The following ARHGAP26 variants were observed in gnomAD, a reference collection of about 807,000 sequenced individuals.
The protein encoded by ARHGAP26 is Rho GTPase activating protein 26.
In ARHGAP26, 38 loss-of-function variants were observed where a neutral mutation model predicts 104.8. That is an observed-to-expected ratio of 0.36 (90% CI 0.28 to 0.48). ARHGAP26 has a LOEUF of 0.48. Ranked by LOEUF, ARHGAP26 falls within the 20% of genes least tolerant of loss-of-function variation. ARHGAP26 has a pLI of 0.99. For missense variants in ARHGAP26, 704 were observed against 947.9 expected (o/e 0.74, Z 3.38); for synonymous variants, 341 against 340.0 (o/e 1.00, Z -0.03).
intron 1 of ARHGAP26, among the ~76,000 whole-genome samples, chr5:142,800,868 C>T (rs544164459): frequency 1.1e-4 from 16 of 152,182 alleles, no homozygotes; most frequent in Admixed American, 2.6e-4. Flanking sequence ...AAGCGGAGGC[C>T]GTGGCAGAGA....
chr5:143,222,272 CA>C (rs1428303206), intron 22 of ARHGAP26, 85 bp from the exon 23 acceptor site: 16 of 770,022 alleles, frequency 2.1e-5, no homozygotes, highest in African/African-American at 1.3e-4. Context: ...CACACACACA[CA>C]CACACACACA....
chr5:143,210,015 C>G (rs1013239588), intron 21 of ARHGAP26, among the ~76,000 whole-genome samples: 1 of 152,256 alleles, frequency 6.6e-6, no homozygotes, highest in Non-Finnish European at 1.5e-5. Flanking sequence ...CTGAGCAAAG[C>G]CTTTATAAGT....
chr5:143,019,110 T>TG (rs1366711743), intron 12 of ARHGAP26, among the ~76,000 whole-genome samples: 1 of 152,172 alleles, frequency 6.6e-6, no homozygotes, highest in Non-Finnish European at 1.5e-5. Context: ...CTGCTACCCA[T>TG]GGGGACCCTT....
chr5:142,969,141 A>G (rs1167491495), intron 11 of ARHGAP26, among the ~76,000 whole-genome samples: 1 of 152,148 alleles, frequency 6.6e-6, no homozygotes, highest in Non-Finnish European at 1.5e-5. Flanking sequence ...GGGGCTTGCC[A>G]TGTGGCCCAG....
intron 19 of ARHGAP26, among the ~76,000 whole-genome samples, chr5:143,134,501 A>G (rs1485446096): frequency 6.6e-6 from 1 of 152,166 alleles, no homozygotes; most frequent in Non-Finnish European, 1.5e-5. Context: ...TGTGAGTCAC[A>G]TGCCCTACTA....
intron 11 of ARHGAP26, among the ~76,000 whole-genome samples, 179 bp from the exon 12 acceptor site, chr5:143,013,901 C>T (rs560970501): frequency 5.9e-5 from 9 of 152,214 alleles, no homozygotes; most frequent in Middle Eastern, 3.4e-3. Context: ...CACTTAAGAA[C>T]AGCTAAAGTA....
At chr5:142,899,757 G>A (rs1760028446) in intron 6 of ARHGAP26, among the ~76,000 whole-genome samples, 1 of 152,062 alleles carries the variant, frequency 6.6e-6, no homozygotes, top group Admixed American at 6.6e-5. Context: ...AGAAGCAAGG[G>A]GGAAGTGGGC....
chr5:143,148,119 A>G (rs1220787106), intron 20 of ARHGAP26, among the ~76,000 whole-genome samples: 1 of 152,186 alleles, frequency 6.6e-6, no homozygotes, highest in Non-Finnish European at 1.5e-5. Flanking sequence ...ATGTGAGGCC[A>G]TGACCGGAAC....
In ARHGAP26 at chr5:142,806,255, T is replaced by C. The variant is rs563634936; in HGVS notation, c.154+35340T>C. On this transcript the variant is annotated intron_variant, in intron 1 of 22. Transcript: ENST00000645722. ...CCACGGGCATGTGCCACCAGGCCCATGTATTTTTTTATTTTTATTTTTTGT... is the reference window on the plus strand; with the variant it reads ...CCACGGGCATGTGCCACCAGGCCCACGTATTTTTTTATTTTTATTTTTTGT... Among the ~76,000 whole-genome samples the C allele has an allele frequency of 1.6e-3, 241 of 152,162 alleles. 1 individual carries two copies. The highest frequency in any genetic ancestry group is 2.9e-3 in the Non-Finnish European group (195 of 67,994).
chr5:142,890,415 G>C (rs530338578), intron 5 of ARHGAP26, among the ~76,000 whole-genome samples: 4 of 151,248 alleles, frequency 2.6e-5, no homozygotes, highest in Admixed American at 2.6e-4. Context: ...CACCATGCTG[G>C]AGCATGGTGA....
chr5:143,116,465 C>A (rs770168593), intron 17 of ARHGAP26, among the ~76,000 whole-genome samples: 3 of 152,194 alleles, frequency 2.0e-5, no homozygotes, highest in Admixed American at 2.0e-4. Context: ...CTACAATAAG[C>A]TTATGTATTG....
At chr5:143,028,231 G>A (rs1781359727) in intron 12 of ARHGAP26, among the ~76,000 whole-genome samples, 2 of 152,332 alleles carry the variant, frequency 1.3e-5, no homozygotes, top group South Asian at 4.1e-4. Flanking sequence ...TCAGAGCAAT[G>A]TAGTCTGTGC....
chr5:143,038,868 G>A (rs959307927), intron 13 of ARHGAP26, among the ~76,000 whole-genome samples: 3 of 151,746 alleles, frequency 2.0e-5, no homozygotes, highest in Non-Finnish European at 2.9e-5. Flanking sequence ...GCTAATTTTT[G>A]TATTTTTAAT....
chr5:143,045,982 A>C (rs976179205), intron 14 of ARHGAP26, among the ~76,000 whole-genome samples: 3 of 152,112 alleles, frequency 2.0e-5, no homozygotes, highest in Non-Finnish European at 4.4e-5. Flanking sequence ...AAATACAAAA[A>C]AATTAGTCAG....
intron 11 of ARHGAP26, among the ~76,000 whole-genome samples, chr5:143,001,035 A>T (rs1777124374): frequency 6.7e-6 from 1 of 150,204 alleles, no homozygotes; most frequent in Non-Finnish European, 1.5e-5. Context: ...CCCAGAACTT[A>T]AAAAAAAAAA....
At chr5:143,030,938 G>A (rs1781749802) in intron 12 of ARHGAP26, among the ~76,000 whole-genome samples, 2 of 152,250 alleles carry the variant, frequency 1.3e-5, no homozygotes, top group African/African-American at 4.8e-5. Context: ...TAAACTTGCA[G>A]TGGTGCATCA....
intron 17 of ARHGAP26, among the ~76,000 whole-genome samples, chr5:143,077,013 A>G (rs2150410642): frequency 6.6e-6 from 1 of 152,318 alleles, no homozygotes; most frequent in Middle Eastern, 3.4e-3. Context: ...TAGGAATGGA[A>G]TTGCATAGTT....
At chr5:142,965,511 C>CTT (rs1046515935) in intron 11 of ARHGAP26, among the ~76,000 whole-genome samples, 3 of 152,168 alleles carry the variant, frequency 2.0e-5, no homozygotes, top group African/African-American at 7.2e-5. Flanking sequence ...GGCTCACACT[C>CTT]TTGTCTTCTG....
chr5:142,854,940 CA>C (rs2152279569), intron 1 of ARHGAP26, among the ~76,000 whole-genome samples: 1 of 152,296 alleles, frequency 6.6e-6, no homozygotes, highest in African/African-American at 2.4e-5. Flanking sequence ...AAGGACCCCC[CA>C]GTCCCTTTTG....
Sources: gnomAD v4.1 joint callset for allele counts (sites outside exome capture counted in the v4.1 genomes callset) on GRCh38, gnomAD v4.1.1 for gene constraint, MANE v1.5 for transcripts, NCBI Gene and HGNC (gene_info 2026-07-23, HGNC 2026-07-21) for gene names.